PRIMPOL: variants seen among roughly 807,000 people sequenced by gnomAD.
PRIMPOL encodes the protein primase and DNA directed polymerase.
A neutral mutation model predicts 63.6 loss-of-function variants in PRIMPOL; 54 were observed. That is an observed-to-expected ratio of 0.85 (90% CI 0.68 to 1.07). The LOEUF is 1.07. PRIMPOL is among the 50% of genes least tolerant of loss of function. PRIMPOL has a pLI of 0.00. For missense variants in PRIMPOL, 610 were observed against 648.3 expected, an observed-to-expected ratio of 0.94 and a Z score of 0.64; for synonymous variants, 197 against 220.2, an observed-to-expected ratio of 0.89 and a Z score of 0.93.
At chr4:184,683,069 TAATC>T (rs528667805) in intron 9 of PRIMPOL, among the ~76,000 whole-genome samples, 127 of 152,074 alleles carry the variant, frequency 8.4e-4, no homozygotes, top group Non-Finnish European at 1.6e-3. Flanking sequence ...ATTAATCAAT[TAATC>T]AATCAGTAAT....
intron 5 of PRIMPOL, among the ~76,000 whole-genome samples, chr4:184,664,780 A>G (rs945119267): frequency 1.3e-5 from 2 of 152,234 alleles, no homozygotes; most frequent in African/African-American, 4.8e-5. Context: ...GGAGAGAACA[A>G]ATATGGAGGA....
chr4:184,685,284 A>G (rs1304713724), intron 9 of PRIMPOL, 125 bp from the exon 10 acceptor site: 1 of 675,478 alleles, frequency 1.5e-6, no homozygotes, highest in Non-Finnish European at 2.6e-6. Context: ...ATTGACTGAA[A>G]TTGCAAAGAG....
chr4:184,660,510 T>C (rs1303215685), intron 4 of PRIMPOL, among the ~76,000 whole-genome samples: 1 of 152,180 alleles, frequency 6.6e-6, no homozygotes, highest in Non-Finnish European at 1.5e-5. Context: ...ACTTGAGTAA[T>C]GTGTGGAAAA....
chr4:184,655,988 G>A (rs1160340163), intron 2 of PRIMPOL, among the ~76,000 whole-genome samples: 1 of 152,138 alleles, frequency 6.6e-6, no homozygotes, highest in Non-Finnish European at 1.5e-5. Flanking sequence ...GGTTGGCTGG[G>A]CAGTTTGATA....
chr4:184,676,214 C>T (rs1480580258), intron 7 of PRIMPOL, among the ~76,000 whole-genome samples: 2 of 151,864 alleles, frequency 1.3e-5, no homozygotes, highest in African/African-American at 4.8e-5. Flanking sequence ...TCAAGCAATC[C>T]TCCTGCCTCA....
Position 184,672,450 on chromosome 4 carries a change from T to G in PRIMPOL, c.834T>G (p.Phe278Leu), listed in dbSNP as rs747759813. 1.2e-6 allele frequency: 2 copies of G among 1,606,234 alleles called. No homozygotes were observed. Among genetic ancestry groups the G allele is most frequent in the East Asian group, 2.2e-5 (1 of 44,846 alleles). The change falls in exon 7 of 14, where the codon TTT becomes TTG. Residue 278 changes from phenylalanine to leucine, a missense_variant. Physicochemically the swap from Phe to Leu is conservative, Grantham distance 22. Transcript: ENST00000314970. ...ATAACATGGGAGAGAAGCATCTTTT[T>G]GTAGATCTCGGTAAGTAAGATTGAC... ...VKNNMGEKHL[F>L]VDLGVYTRNR...
At chr4:184,691,354 G>C in intron 11 of PRIMPOL, 145 bp from the exon 12 acceptor site, 1 of 569,636 alleles carries the variant, frequency 1.8e-6, no homozygotes, top group South Asian at 2.5e-5. Context: ...CGTTTTGATT[G>C]GTATGTATCT....
At chr4:184,658,641 C>T (rs977931441) in intron 3 of PRIMPOL, among the ~76,000 whole-genome samples, 3 of 152,122 alleles carry the variant, frequency 2.0e-5, no homozygotes, top group African/African-American at 7.2e-5. Context: ...TGCGGTGGCT[C>T]ATGCCTGTAA....
At chr4:184,667,015 G>A (rs1750099252) in intron 6 of PRIMPOL, among the ~76,000 whole-genome samples, 1 of 152,208 alleles carries the variant, frequency 6.6e-6, no homozygotes, top group Admixed American at 6.5e-5. Context: ...CTGAAGCTCA[G>A]GTAACAGGTA....
rs748717711 is a variant in PRIMPOL, at chr4:184,685,444, C to T, written c.1132C>T (p.Pro378Ser). The change falls in exon 10 of 14, where the codon CCT (proline) becomes TCT (serine). Residue 378 changes from proline to serine, a missense_variant. Pro to Ser is a moderately conservative substitution (Grantham distance 74, BLOSUM62 -1). This residue lies in a region of PRIMPOL where 444 missense variants were observed against 456.4 expected (regional missense o/e 0.97). Transcript: ENST00000314970. ...TIEGFQCSPYPEVDHFVLSLV... is the reference protein window; with the variant it reads ...TIEGFQCSPYSEVDHFVLSLV... ...TGAAGGTTTTCAGTGTTCTCCCTATCCTGAAGTTGATCATTTTGTTCTTTC... is the reference window on the plus strand; with the variant it reads ...TGAAGGTTTTCAGTGTTCTCCCTATTCTGAAGTTGATCATTTTGTTCTTTC... The T allele has an allele frequency of 6.2e-7, 1 of 1,612,696 alleles. No individual in the cohort carries two copies. The highest frequency in any genetic ancestry group is 8.5e-7 in the Non-Finnish European group (1 of 1,178,884).
Position 184,672,238 on chromosome 4 carries a change from G to A in PRIMPOL, c.622G>A (p.Ala208Thr), listed in dbSNP as rs764197991. The A allele has an allele frequency of 5.0e-6, 8 of 1,613,854 alleles. No homozygotes were observed. Among genetic ancestry groups the A allele is most frequent in the African/African-American group, 1.3e-5 (1 of 74,884 alleles). The change falls in exon 7 of 14, where the codon GCT becomes ACT. Residue 208 changes from alanine to threonine, a missense_variant. Ala to Thr is a moderately conservative substitution (Grantham distance 58, BLOSUM62 0). Transcript: ENST00000314970. ...GCTTGGCAGTGAAGATGATGATAGC[G>A]CTCCAGAGACAACAGGCCATGGATT... ...DLLGSEDDDS[A>T]PETTGHGFPH...
Position 184,650,972 on chromosome 4 carries a change from G to A in PRIMPOL, c.-137-1051G>A, listed in dbSNP as rs1443023351. ...GGAATTCCAATTTAAAGAGGATAAG[G>A]TTTAAAGAGGTTAAGGCCGAGTTTA... On this transcript the variant is annotated intron_variant, in intron 1 of 13. Transcript: ENST00000314970. 2.0e-5 allele frequency among the ~76,000 whole-genome samples: 3 copies of A among 151,814 alleles called. No homozygotes were observed. The East Asian group carries it at 5.8e-4, about 29-fold the overall frequency.
Position 184,694,613 on chromosome 4 carries a change from G to A in PRIMPOL, c.1517G>A (p.Gly506Asp). The change falls in exon 14 of 14, where the codon GGT becomes GAT. Residue 506 changes from glycine (G) to aspartate (D), a missense_variant. Gly to Asp is a moderately conservative substitution (Grantham distance 94). Coordinates refer to ENST00000314970, the MANE Select transcript of PRIMPOL (RefSeq NM_152683.4). ...CCATCACCTAGCAGGCTGTCAACAGGTGCATCTGCTGATGCTGTCTGGGAT... is the reference window on the plus strand; with the variant it reads ...CCATCACCTAGCAGGCTGTCAACAGATGCATCTGCTGATGCTGTCTGGGAT... The part of the protein sequence containing the change: ...HKPSPSRLST[G>D]ASADAVWDNG... 1.2e-6 allele frequency: 2 copies of A among 1,614,124 alleles called. No homozygotes were observed. The highest frequency in any genetic ancestry group is 1.7e-5 in the Admixed American group (1 of 60,022).
chr4:184,670,980 GATTAAA>G (rs150986391), intron 6 of PRIMPOL, among the ~76,000 whole-genome samples: 19,791 of 152,086 alleles, frequency 0.13, 1,355 homozygotes, highest in Middle Eastern at 0.17. Flanking sequence ...CAGTTCTACA[GATTAAA>G]ATTAAATTTT....
intron 2 of PRIMPOL, among the ~76,000 whole-genome samples, chr4:184,653,535 A>C (rs201888041): frequency 1.3e-5 from 2 of 152,274 alleles, no homozygotes; most frequent in East Asian, 1.9e-4. Context: ...GTTTTTTAGT[A>C]GAGATGGGGT....
chr4:184,658,014 A>ATAAG (rs1471270912), intron 3 of PRIMPOL, among the ~76,000 whole-genome samples: 1 of 149,194 alleles, frequency 6.7e-6, no homozygotes, highest in Non-Finnish European at 1.5e-5. Flanking sequence ...AAATAAATAA[A>ATAAG]TAAATAAATA....
intron 11 of PRIMPOL, among the ~76,000 whole-genome samples, chr4:184,690,077 CCA>C (rs1340824169): frequency 6.6e-6 from 1 of 152,082 alleles, no homozygotes; most frequent in African/African-American, 2.4e-5. Flanking sequence ...CCTCCCCATC[CCA>C]CACCTCACCT....
intron 8 of PRIMPOL, among the ~76,000 whole-genome samples, chr4:184,680,448 A>G (rs1359882152): frequency 6.6e-6 from 1 of 152,212 alleles, no homozygotes; most frequent in Non-Finnish European, 1.5e-5. Context: ...TTGGCCTCCC[A>G]AAGTGCTGGG....
At chr4:184,671,728 T>G (rs1751682280) in intron 6 of PRIMPOL, among the ~76,000 whole-genome samples, 1 of 144,972 alleles carries the variant, frequency 6.9e-6, no homozygotes. Context: ...TAACAATTTA[T>G]AGCGACTCGG....
Sources: allele counts gnomAD v4.1 joint callset (sites outside exome capture counted in the v4.1 genomes callset), GRCh38; gene constraint gnomAD v4.1.1; regional missense constraint gnomAD v4.1.1; transcripts MANE v1.5; gene names NCBI Gene and HGNC (gene_info 2026-07-23, HGNC 2026-07-21).